Variants in NCAM1 observed in about 807,000 individuals in gnomAD.
NCAM1 encodes the protein neural cell adhesion molecule 1.
A neutral mutation model predicts 109.8 loss-of-function variants in NCAM1; 14 were observed. The ratio of observed to expected loss-of-function variants is 0.13; its 90% CI spans 0.08 to 0.20. The LOEUF (loss-of-function observed/expected upper bound fraction) is 0.20, where lower values mean the gene tolerates loss of function less well. NCAM1 is among the 10% of genes least tolerant of loss of function. The pLI is 1.00. For synonymous variants in NCAM1, 418 were observed against 442.9 expected (o/e 0.94, Z 0.70); for missense variants, 774 against 1,109.9 (o/e 0.70, Z 4.30).
intron 1 of NCAM1, among the ~76,000 whole-genome samples, chr11:112,990,525 A>G (rs1555070415): frequency 6.6e-6 from 1 of 152,006 alleles, no homozygotes. Context: ...TGCTCCGGGG[A>G]CTTAGAGAGA....
At chr11:113,043,444 C>T (rs1309297247) in intron 1 of NCAM1, among the ~76,000 whole-genome samples, 1 of 152,202 alleles carries the variant, frequency 6.6e-6, no homozygotes, top group Non-Finnish European at 1.5e-5. Flanking sequence ...TCAAGCGATT[C>T]TCCTGCCCCA....
At chr11:113,201,519 C>G (rs1944060138) in intron 1 of NCAM1, among the ~76,000 whole-genome samples, 1 of 152,176 alleles carries the variant, frequency 6.6e-6, no homozygotes. Flanking sequence ...CATTTTTCCA[C>G]CTCGAAACTC....
At chr11:113,018,064 A>T (rs1296941405) in intron 1 of NCAM1, among the ~76,000 whole-genome samples, 1 of 152,108 alleles carries the variant, frequency 6.6e-6, no homozygotes, top group East Asian at 1.9e-4. Context: ...AAATCGAAAT[A>T]CTTCTGAGGT....
intron 1 of NCAM1, among the ~76,000 whole-genome samples, chr11:113,068,160 C>T (rs1938066869): frequency 6.6e-6 from 1 of 152,148 alleles, no homozygotes; most frequent in Non-Finnish European, 1.5e-5. Flanking sequence ...ATCCACCCGC[C>T]TTGGCCTCCC....
At chr11:113,059,884 C>T (rs377228062) in intron 1 of NCAM1, among the ~76,000 whole-genome samples, 6 of 152,242 alleles carry the variant, frequency 3.9e-5, no homozygotes, top group African/African-American at 1.4e-4. Context: ...GGCACAACAG[C>T]AAGTGTTTAA....
chr11:113,254,533 T>TAGA (rs1945786807), intron 15 of NCAM1, among the ~76,000 whole-genome samples: 2 of 152,316 alleles, frequency 1.3e-5, no homozygotes, highest in South Asian at 4.1e-4. Context: ...AGTGGGCTCT[T>TAGA]CCTTAGCCTT....
chr11:113,111,356 G>C (rs1409747815), intron 1 of NCAM1, among the ~76,000 whole-genome samples: 2 of 151,758 alleles, frequency 1.3e-5, no homozygotes, highest in Admixed American at 1.3e-4. Flanking sequence ...AAGATAACAA[G>C]AATAAAGAAA....
chr11:113,105,289 G>A (rs1425232325), intron 1 of NCAM1, among the ~76,000 whole-genome samples: 1 of 152,210 alleles, frequency 6.6e-6, no homozygotes, highest in Non-Finnish European at 1.5e-5. Context: ...ACCTCACCTT[G>A]CACTCCCTTA....
intron 1 of NCAM1, among the ~76,000 whole-genome samples, chr11:113,090,496 C>T (rs1939292300): frequency 6.6e-6 from 1 of 152,168 alleles, no homozygotes; most frequent in South Asian, 2.1e-4. Flanking sequence ...ATATATGCAA[C>T]ATTAAGGCCA....
chr11:113,152,229 G>A (rs1440250156), intron 1 of NCAM1, among the ~76,000 whole-genome samples: 2 of 152,234 alleles, frequency 1.3e-5, no homozygotes, highest in African/African-American at 2.4e-5. Context: ...CATGTGTGGG[G>A]CATCACAGGC....
At chr11:113,081,920 C>G (rs980251838) in intron 1 of NCAM1, among the ~76,000 whole-genome samples, 1 of 152,168 alleles carries the variant, frequency 6.6e-6, no homozygotes, top group Non-Finnish European at 1.5e-5. Flanking sequence ...TACTATCTGC[C>G]TATTTGCAGT....
intron 1 of NCAM1, among the ~76,000 whole-genome samples, chr11:112,964,146 T>TG (rs1439046746): frequency 5.1e-3 from 5 of 976 alleles, no homozygotes; most frequent in African/African-American, 0.033. Context: ...TTTTGTTTTT[T>TG]TTTTTTTTGT....
chr11:113,072,344 T>C (rs1455358177), intron 1 of NCAM1, among the ~76,000 whole-genome samples: 1 of 152,228 alleles, frequency 6.6e-6, no homozygotes, highest in East Asian at 1.9e-4. Context: ...ATGTCATCAA[T>C]GAAATGGTAG....
intron 1 of NCAM1, among the ~76,000 whole-genome samples, chr11:113,033,641 C>T (rs1555078647): frequency 6.6e-6 from 1 of 152,216 alleles, no homozygotes; most frequent in African/African-American, 2.4e-5. Context: ...TGGATCTACG[C>T]TTCCTTCTGG....
intron 8 of NCAM1, among the ~76,000 whole-genome samples, chr11:113,220,144 T>C (rs185199385): frequency 2.2e-3 from 337 of 152,278 alleles, no homozygotes; most frequent in Non-Finnish European, 2.2e-3. Flanking sequence ...AATCCTAGTA[T>C]GAAAAACAGA....
chr11:113,199,289 G>A (rs1041113346), intron 1 of NCAM1, among the ~76,000 whole-genome samples: 1 of 152,118 alleles, frequency 6.6e-6, no homozygotes. Context: ...ATTTGTATTG[G>A]GAACAATGAA....
chr11:113,171,951 A>G (rs533065137), intron 1 of NCAM1, among the ~76,000 whole-genome samples: 1 of 152,296 alleles, frequency 6.6e-6, no homozygotes, highest in African/African-American at 2.4e-5. Context: ...GAAAATTTGG[A>G]GACAGACACA....
chr11:113,066,975 G>A (rs1315175664), intron 1 of NCAM1, among the ~76,000 whole-genome samples: 4 of 137,650 alleles, frequency 2.9e-5, no homozygotes, highest in African/African-American at 1.1e-4. Context: ...CTGCACTCCG[G>A]CCTGGGTGAC....
intron 14 of NCAM1, among the ~76,000 whole-genome samples, chr11:113,242,642 TAGAG>T (rs1242769734): frequency 2.0e-5 from 3 of 152,200 alleles, no homozygotes; most frequent in Non-Finnish European, 4.4e-5. Flanking sequence ...TTAATATTGA[TAGAG>T]AAGAGAGAGA....
Sources: gnomAD v4.1 joint callset for allele counts (sites outside exome capture counted in the v4.1 genomes callset) on GRCh38, gnomAD v4.1.1 for gene constraint, MANE v1.5 for transcripts, NCBI Gene and HGNC (gene_info 2026-07-23, HGNC 2026-07-21) for gene names.